The following CNTN4 variants were observed in gnomAD, a reference collection of about 807,000 sequenced individuals.
The protein encoded by CNTN4 is contactin 4, also known as contactin-4.
A neutral mutation model predicts 122.5 loss-of-function variants in CNTN4; 77 were observed. The observed-to-expected ratio is 0.63, with a 90% CI of 0.52 to 0.76. CNTN4 has a LOEUF of 0.76. Ranked by LOEUF, CNTN4 falls within the 30% of genes least tolerant of loss-of-function variation. CNTN4 has a pLI of 0.00. For missense variants in CNTN4, 1,256 were observed against 1,259.1 expected (o/e 1.00, Z 0.04); for synonymous variants, 512 against 447.0 (o/e 1.15, Z -1.83).
chr3:3,046,297 G>A (rs998210136), intron 23 of CNTN4, among the ~76,000 whole-genome samples: 2 of 152,026 alleles, frequency 1.3e-5, no homozygotes, highest in African/African-American at 4.8e-5. Context: ...GATAGTCCTC[G>A]AGAAGAGCAA....
At chr3:2,547,170 A>G (rs1291880520) in intron 3 of CNTN4, among the ~76,000 whole-genome samples, 1 of 152,150 alleles carries the variant, frequency 6.6e-6, no homozygotes, top group Non-Finnish European at 1.5e-5. Flanking sequence ...GTATAGATCT[A>G]CTAATACGAG....
rs191574185 is a variant in CNTN4, at chr3:2,566,680, G to T, written c.-88-4736G>T. Among the ~76,000 whole-genome samples the T allele has an allele frequency of 5.2e-3, 786 of 152,264 alleles. 1 individual carries two copies. The highest frequency in any genetic ancestry group is 0.014 in the Middle Eastern group (4 of 294). ...ATGCTCACATACAAAACAAGCCAGT[G>T]GACCTTCACAGCACACTTGTAAGAA... is the stretch of plus-strand genomic sequence containing the variant. On this transcript the variant is annotated intron_variant, in intron 3 of 24. Coordinates refer to ENST00000418658, the MANE Select transcript of CNTN4 (RefSeq NM_175607.3).
At chr3:2,389,967 A>C (rs1222055396) in intron 3 of CNTN4, among the ~76,000 whole-genome samples, 1 of 152,228 alleles carries the variant, frequency 6.6e-6, no homozygotes, top group Non-Finnish European at 1.5e-5. Context: ...AGGAGATTAA[A>C]GGGACATGTC....
At chr3:2,513,476 G>C (rs907110013) in intron 3 of CNTN4, among the ~76,000 whole-genome samples, 2 of 151,912 alleles carry the variant, frequency 1.3e-5, no homozygotes, top group Non-Finnish European at 2.9e-5. Flanking sequence ...TGAGTAAATA[G>C]TGTTCTTTTG....
At chr3:2,344,317 C>CCAGGCTGGA (rs1459250703) in intron 3 of CNTN4, among the ~76,000 whole-genome samples, 2 of 150,848 alleles carry the variant, frequency 1.3e-5, no homozygotes, top group Non-Finnish European at 2.9e-5. Flanking sequence ...GCTCTGTTGC[C>CCAGGCTGGA]CAGGCTGGAG....
At chr3:2,998,092 A>T (rs1225217494) in intron 14 of CNTN4, among the ~76,000 whole-genome samples, 1 of 152,182 alleles carries the variant, frequency 6.6e-6, no homozygotes, top group Non-Finnish European at 1.5e-5. Context: ...CCTGGCCCAC[A>T]TCTCTCCTGA....
rs958774531 is a variant in CNTN4, at chr3:2,285,696, T to C, written c.-144-53482T>C. Among the ~76,000 whole-genome samples, 16 of 152,222 alleles carry C rather than the reference T, an allele frequency of 1.1e-4. 1 individual carries two copies. The highest frequency in any genetic ancestry group is 3.4e-3 in the Middle Eastern group (1 of 294). ...CAAGGTAATTAGTTTTCTGTAATTC[T>C]TACACGAAGAGATCATCACTAATGT... On this transcript the variant is annotated intron_variant, in intron 2 of 24. Coordinates refer to ENST00000418658, the MANE Select transcript of CNTN4 (RefSeq NM_175607.3).
intron 3 of CNTN4, among the ~76,000 whole-genome samples, chr3:2,482,249 T>G (rs2076026642): frequency 6.6e-6 from 1 of 152,004 alleles, no homozygotes; most frequent in South Asian, 2.1e-4. Context: ...GGAGCAGAGG[T>G]GACTTGCTAT....
chr3:2,692,006 G>A (rs2085765615), intron 4 of CNTN4, among the ~76,000 whole-genome samples: 1 of 152,154 alleles, frequency 6.6e-6, no homozygotes, highest in Admixed American at 6.6e-5. Context: ...TGTGATGAAT[G>A]TCAACACCCT....
At chr3:2,741,075 C>T (rs554709571) in intron 5 of CNTN4, among the ~76,000 whole-genome samples, 2 of 152,324 alleles carry the variant, frequency 1.3e-5, no homozygotes, top group South Asian at 4.1e-4. Flanking sequence ...CTGAAAAATA[C>T]GTCATATAGA....
chr3:2,862,405 G>A (rs1054904223), intron 7 of CNTN4, among the ~76,000 whole-genome samples: 1 of 152,188 alleles, frequency 6.6e-6, no homozygotes, highest in Non-Finnish European at 1.5e-5. Flanking sequence ...AACCAATTAA[G>A]TGAGCTTCAG....
chr3:2,994,686 C>A (rs950220075), intron 14 of CNTN4, among the ~76,000 whole-genome samples: 56 of 151,414 alleles, frequency 3.7e-4, no homozygotes, highest in African/African-American at 1.2e-3. Context: ...ATATAAAATT[C>A]TTCTGTTTTA....
At chr3:2,505,759 T>A (rs2076714613) in intron 3 of CNTN4, among the ~76,000 whole-genome samples, 1 of 152,174 alleles carries the variant, frequency 6.6e-6, no homozygotes. Context: ...GGTAGAAAGG[T>A]GTGAATTTAG....
At chr3:2,916,788 G>T (rs527545859) in intron 12 of CNTN4, among the ~76,000 whole-genome samples, 6 of 149,700 alleles carry the variant, frequency 4.0e-5, no homozygotes, top group Non-Finnish European at 8.9e-5. Flanking sequence ...CGGGCAGAGG[G>T]GCCCCCCACC....
intron 6 of CNTN4, among the ~76,000 whole-genome samples, chr3:2,788,890 A>G (rs993954692): frequency 2.0e-5 from 3 of 152,250 alleles, no homozygotes; most frequent in African/African-American, 7.2e-5. Context: ...ATAACAGTCA[A>G]AGACTTTGGT....
intron 4 of CNTN4, among the ~76,000 whole-genome samples, chr3:2,660,929 A>T (rs763428479): frequency 1.3e-5 from 2 of 152,268 alleles, no homozygotes; most frequent in African/African-American, 2.4e-5. Context: ...ACTAAAGGTC[A>T]TCACAACTAG....
chr3:2,213,991 C>T (rs2038728869), intron 2 of CNTN4, among the ~76,000 whole-genome samples: 1 of 152,134 alleles, frequency 6.6e-6, no homozygotes, highest in Non-Finnish European at 1.5e-5. Flanking sequence ...TACTGTGATT[C>T]ATTGCATCAT....
intron 2 of CNTN4, among the ~76,000 whole-genome samples, chr3:2,336,220 A>T (rs1267190502): frequency 6.8e-6 from 1 of 148,086 alleles, no homozygotes; most frequent in Non-Finnish European, 1.5e-5. Context: ...TTTGTTGTTT[A>T]TTTGGGGGGG....
chr3:2,405,565 A>G (rs1281769349), intron 3 of CNTN4, among the ~76,000 whole-genome samples: 1 of 151,278 alleles, frequency 6.6e-6, no homozygotes, highest in Non-Finnish European at 1.5e-5. Context: ...AATAAAATAG[A>G]TATATGCGAA....
Sources: gnomAD v4.1 joint callset for allele counts (sites outside exome capture counted in the v4.1 genomes callset) on GRCh38, gnomAD v4.1.1 for gene constraint, MANE v1.5 for transcripts, NCBI Gene and HGNC (gene_info 2026-07-23, HGNC 2026-07-21) for gene names.